NELL1: variants seen among roughly 807,000 people sequenced by gnomAD.
NELL1 encodes the protein neural EGFL like 1.
A neutral mutation model predicts 107.4 loss-of-function variants in NELL1; 76 were observed. That is an observed-to-expected ratio of 0.71 (90% CI 0.59 to 0.86). NELL1 has a LOEUF of 0.86. NELL1 is among the 40% of genes least tolerant of loss of function. The probability of loss-of-function intolerance (pLI) is 0.00; values close to 1 mark genes in which losing one functional copy is unlikely to be tolerated. For synonymous variants in NELL1, 353 were observed against 341.2 expected (o/e 1.03, Z -0.38); for missense variants, 1,024 against 1,005.5 (o/e 1.02, Z -0.25).
At chr11:21,059,428 G>A (rs1235086519) in intron 12 of NELL1, among the ~76,000 whole-genome samples, 1 of 151,888 alleles carries the variant, frequency 6.6e-6, no homozygotes, top group Non-Finnish European at 1.5e-5. Flanking sequence ...TTTCTTAAAT[G>A]TAGCCTTCAC....
At chr11:20,879,465 TA>T (rs1416568801) in intron 4 of NELL1, among the ~76,000 whole-genome samples, 2 of 152,192 alleles carry the variant, frequency 1.3e-5, no homozygotes, top group African/African-American at 4.8e-5. Flanking sequence ...ATAAATTGGC[TA>T]AATCCAATTA....
intron 14 of NELL1, chr11:21,260,658 A>G (rs1425803121): frequency 1.3e-5 from 2 of 151,870 alleles, no homozygotes; most frequent in African/African-American, 4.8e-5. Flanking sequence ...AGACTAATAA[A>G]TATTCAGCAG....
At chr11:21,133,909 G>T (rs929845875) in intron 13 of NELL1, among the ~76,000 whole-genome samples, 13 of 152,338 alleles carry the variant, frequency 8.5e-5, no homozygotes, top group African/African-American at 2.9e-4. Context: ...AGTGGGCAGG[G>T]CTTCTGCCTG....
rs1273717806 is a variant in NELL1 at position 21,548,642 on chromosome 11, C to T, written c.1787-11547C>T. Among the ~76,000 whole-genome samples the T allele has an allele frequency of 5.9e-5, 9 of 151,812 alleles. No individual in the cohort carries two copies. In the East Asian group the frequency reaches 7.8e-4, roughly 13 times the overall value. ...TGTGGGAATTATGGGAGCTACAAGA[C>T]GAGATTTGGGTAGGGACCCAGAGCC... On this transcript the variant is annotated intron_variant, in intron 16 of 19. Transcript: ENST00000357134.
intron 14 of NELL1, among the ~76,000 whole-genome samples, chr11:21,248,008 T>G (rs72945721): frequency 1.6e-4 from 25 of 152,298 alleles, no homozygotes; most frequent in Non-Finnish European, 3.4e-4. Context: ...TTCATTCCCA[T>G]TGGCAGAAAT....
chr11:21,423,596 A>G (rs1023368342), intron 15 of NELL1, among the ~76,000 whole-genome samples: 1 of 152,178 alleles, frequency 6.6e-6, no homozygotes, highest in African/African-American at 2.4e-5. Context: ...AAGTAAGGAG[A>G]GAGACTTGAA....
intron 3 of NELL1, among the ~76,000 whole-genome samples, chr11:20,839,949 C>T (rs1233802801): frequency 2.6e-5 from 4 of 152,164 alleles, no homozygotes; most frequent in Non-Finnish European, 5.9e-5. Context: ...ACCAACGGGG[C>T]CACTTCCATT....
intron 3 of NELL1, among the ~76,000 whole-genome samples, chr11:20,798,224 CTAAT>C (rs768107682): frequency 1.2e-4 from 19 of 152,180 alleles, no homozygotes; most frequent in Non-Finnish European, 2.6e-4. Flanking sequence ...CTGCAACACA[CTAAT>C]TAAGTAAAAT....
At chr11:21,557,681 C>T (rs1856753032) in intron 16 of NELL1, among the ~76,000 whole-genome samples, 3 of 151,946 alleles carry the variant, frequency 2.0e-5, no homozygotes, top group Non-Finnish European at 2.9e-5. Flanking sequence ...ATTTTTTCTA[C>T]TTTAAATTAG....
chr11:21,362,555 G>A (rs752851995), intron 14 of NELL1, among the ~76,000 whole-genome samples: 28 of 152,242 alleles, frequency 1.8e-4, no homozygotes, highest in Non-Finnish European at 3.4e-4. Flanking sequence ...ATTAGGTGTC[G>A]TCTTCTTCTT....
intron 15 of NELL1, among the ~76,000 whole-genome samples, chr11:21,460,219 A>G (rs992250731): frequency 6.6e-5 from 10 of 152,072 alleles, no homozygotes; most frequent in African/African-American, 2.4e-4. Flanking sequence ...ATAAATGGAC[A>G]AGCATCAGGT....
chr11:21,523,050 T>C (rs982304489), intron 15 of NELL1, among the ~76,000 whole-genome samples: 6 of 151,962 alleles, frequency 3.9e-5, no homozygotes, highest in Admixed American at 6.6e-5. Context: ...GGTTTCACCA[T>C]GTTAGCCAGG....
intron 16 of NELL1, among the ~76,000 whole-genome samples, chr11:21,553,524 T>C (rs556760217): frequency 8.4e-4 from 128 of 151,950 alleles, no homozygotes; most frequent in African/African-American, 2.9e-3. Flanking sequence ...AGCTCAGCCT[T>C]ACAGAGGTGA....
At chr11:21,452,590 A>G (rs997804238) in intron 15 of NELL1, among the ~76,000 whole-genome samples, 1 of 152,038 alleles carries the variant, frequency 6.6e-6, no homozygotes, top group Non-Finnish European at 1.5e-5. Context: ...TATTAATTTT[A>G]TGGACATTTT....
chr11:20,850,222 T>C (rs1265369132), intron 4 of NELL1, among the ~76,000 whole-genome samples: 1 of 152,188 alleles, frequency 6.6e-6, no homozygotes, highest in Non-Finnish European at 1.5e-5. Flanking sequence ...GTCCCATATA[T>C]CAAGATGCTG....
intron 2 of NELL1, among the ~76,000 whole-genome samples, chr11:20,723,148 T>G (rs1313023018): frequency 6.6e-6 from 1 of 152,156 alleles, no homozygotes; most frequent in African/African-American, 2.4e-5. Flanking sequence ...AACCATATCA[T>G]TCTGCCCCTG....
At chr11:21,307,356 G>T (rs1849628183) in intron 14 of NELL1, among the ~76,000 whole-genome samples, 1 of 151,418 alleles carries the variant, frequency 6.6e-6, no homozygotes, top group African/African-American at 2.4e-5. Context: ...GTATGTTTTT[G>T]TACATGTGTA....
chr11:21,416,890 T>A, intron 15 of NELL1, among the ~76,000 whole-genome samples: 1 of 152,120 alleles, frequency 6.6e-6, no homozygotes, highest in Admixed American at 6.6e-5. Flanking sequence ...TGAATTTTAT[T>A]TAATTTATAT....
intron 5 of NELL1, among the ~76,000 whole-genome samples, chr11:20,911,674 A>G (rs577968380): frequency 9.2e-5 from 14 of 152,244 alleles, no homozygotes; most frequent in African/African-American, 2.9e-4. Flanking sequence ...GGTGATGGCA[A>G]TTTCACCCAG....
Sources: allele counts gnomAD v4.1 joint callset (sites outside exome capture counted in the v4.1 genomes callset), GRCh38; gene constraint gnomAD v4.1.1; transcripts MANE v1.5; gene names NCBI Gene and HGNC (gene_info 2026-07-23, HGNC 2026-07-21).